DHRSX: variants seen among roughly 807,000 people sequenced by gnomAD.
DHRSX encodes polyprenol dehydrogenase.
DHRSX carries 31 observed loss-of-function variants against 34.0 expected under a neutral mutation model. The ratio of observed to expected loss-of-function variants is 0.91; its 90% CI spans 0.69 to 1.23. The LOEUF is 1.23. Among genes scored for constraint, DHRSX ranks in the 50% most tolerant of loss-of-function variants. The pLI, the probability that DHRSX is intolerant of heterozygous loss-of-function variation, is 0.00. For missense variants in DHRSX, 414 were observed against 428.1 expected (o/e 0.97, Z 0.29); for synonymous variants, 201 against 183.8 (o/e 1.09, Z -0.76).
At chrX:2,379,595 G>GTTT (rs749144665) in intron 3 of DHRSX, among the ~76,000 whole-genome samples, 16,607 of 101,622 alleles carry the variant, frequency 0.16, 2,173 homozygotes, top group Non-Finnish European at 0.27. Flanking sequence ...GGCAGTGGAG[G>GTTT]TTTTTTTTTT....
intron 3 of DHRSX, among the ~76,000 whole-genome samples, chrX:2,384,918 A>G (rs2043251899): frequency 6.7e-6 from 1 of 149,396 alleles, no homozygotes; most frequent in Admixed American, 6.6e-5. Flanking sequence ...AATAATAAAA[A>G]ATAAATAAAT....
chrX:2,469,494 G>C (rs2044555940), intron 1 of DHRSX, among the ~76,000 whole-genome samples: 1 of 151,892 alleles, frequency 6.6e-6, no homozygotes, highest in South Asian at 2.1e-4. Context: ...CGCTCCCTAA[G>C]CATGTGGCTA....
At chrX:2,294,582 A>G (rs1398048500) in intron 3 of DHRSX, among the ~76,000 whole-genome samples, 1 of 151,480 alleles carries the variant, frequency 6.6e-6, no homozygotes, top group Non-Finnish European at 1.5e-5. Flanking sequence ...GGAGAATCGC[A>G]TGAACCTGGG....
rs781362868 is a variant in DHRSX, at chrX:2,266,904, G to T, written c.432C>A (p.Phe144Leu). 6.2e-7 allele frequency: 1 copy of T among 1,613,938 alleles called. No individual in the cohort carries two copies. Among genetic ancestry groups the T allele is most frequent in the Admixed American group, 1.7e-5 (1 of 60,010 alleles). Reference sequence around the variant, plus strand: ...GGTAGTTCAGGCCGAAATGTTCTTCGAATCCATCTCTGGTTTTCCTCTGAG... The same window carrying T: ...GGTAGTTCAGGCCGAAATGTTCTTCTAATCCATCTCTGGTTTTCCTCTGAG... ...MVPQRKTRDGFEEHFGLNYLG... is the reference protein window; with the variant it reads ...MVPQRKTRDGLEEHFGLNYLG... Residue 144 changes from phenylalanine (F) to leucine (L), a missense_variant, in exon 5 of 7, where the codon TTC (phenylalanine) becomes TTA (leucine). Transcript: ENST00000334651.
chrX:2,422,556 C>T (rs963896345), intron 2 of DHRSX, among the ~76,000 whole-genome samples: 1 of 152,092 alleles, frequency 6.6e-6, no homozygotes, highest in Non-Finnish European at 1.5e-5. Flanking sequence ...CCACTGCTCC[C>T]GTCCTGGAAA....
intron 1 of DHRSX, among the ~76,000 whole-genome samples, chrX:2,472,252 T>C (rs2044604471): frequency 2.6e-5 from 4 of 152,012 alleles, no homozygotes; most frequent in Admixed American, 2.6e-4. Context: ...TACCACCTGT[T>C]CCCACTGATA....
At chrX:2,322,317 G>A (rs1569488557) in intron 3 of DHRSX, among the ~76,000 whole-genome samples, 1 of 152,084 alleles carries the variant, frequency 6.6e-6, no homozygotes, top group Non-Finnish European at 1.5e-5. Context: ...GGGACGCCAA[G>A]GCGGGTAGGT....
chrX:2,430,404 C>T (rs1286734426), intron 1 of DHRSX, among the ~76,000 whole-genome samples: 2 of 152,118 alleles, frequency 1.3e-5, no homozygotes, highest in Non-Finnish European at 2.9e-5. Context: ...CAGACACCCC[C>T]GCACACAACA....
At chrX:2,435,490 G>A (rs1302679304) in intron 1 of DHRSX, among the ~76,000 whole-genome samples, 1 of 150,074 alleles carries the variant, frequency 6.7e-6, no homozygotes, top group Non-Finnish European at 1.5e-5. Flanking sequence ...TAGGCAGGAA[G>A]CAGTGGGTCA....
intron 3 of DHRSX, among the ~76,000 whole-genome samples, chrX:2,318,102 T>C (rs1185653612): frequency 1.3e-5 from 2 of 149,234 alleles, no homozygotes; most frequent in Non-Finnish European, 3.0e-5. Context: ...ACCAGAGCTT[T>C]GGGAGGCTGA....
chrX:2,311,083 CAGA>C (rs1226370149), intron 3 of DHRSX, among the ~76,000 whole-genome samples: 4 of 146,808 alleles, frequency 2.7e-5, no homozygotes, highest in Admixed American at 2.0e-4. Flanking sequence ...AAAAGAGAGA[CAGA>C]AGGAGAGAGA....
chrX:2,398,152 T>C lies in DHRSX; in HGVS notation c.286+10593A>G, dbSNP rs140721653. ...ACAGGGGCAGGGATTAAGGAGCTCA[T>C]GGTGCTGCAGAAGTATCTCTGAATG... On this transcript the variant is annotated intron_variant, in intron 3 of 6. Transcript: ENST00000334651. 2.3e-3 allele frequency among the ~76,000 whole-genome samples: 346 copies of C among 152,232 alleles called. 6 individuals carry two copies. In the East Asian group the frequency reaches 0.055, roughly 24 times the overall value.
intron 3 of DHRSX, among the ~76,000 whole-genome samples, chrX:2,340,188 G>A (rs995204452): frequency 2.6e-5 from 4 of 151,592 alleles, no homozygotes; most frequent in Non-Finnish European, 4.4e-5. Flanking sequence ...GGGGCCTGTC[G>A]AGGGGTGGGG....
intron 3 of DHRSX, among the ~76,000 whole-genome samples, chrX:2,333,061 T>A (rs2042501104): frequency 6.6e-6 from 1 of 152,190 alleles, no homozygotes; most frequent in Non-Finnish European, 1.5e-5. Flanking sequence ...GTTTTGCTAT[T>A]TACCCATTCC....
At chrX:2,229,974 CATAAATGT>C (rs2015834131) in intron 6 of DHRSX, among the ~76,000 whole-genome samples, 1 of 152,018 alleles carries the variant, frequency 6.6e-6, no homozygotes. Context: ...TATACATTTG[CATAAATGT>C]GTGCATGTGT....
At chrX:2,311,839 T>C (rs1488676275) in intron 3 of DHRSX, among the ~76,000 whole-genome samples, 1 of 152,128 alleles carries the variant, frequency 6.6e-6, no homozygotes, top group Non-Finnish European at 1.5e-5. Context: ...TGAGCGTCGA[T>C]TTAATGGTCT....
chrX:2,489,807 G>A (rs771039803), intron 1 of DHRSX: 1 of 1,613,464 alleles, frequency 6.2e-7, no homozygotes, highest in Non-Finnish European at 8.5e-7. Flanking sequence ...AGCTTCGGGA[G>A]CTGGAAGGCC....
chrX:2,304,505 G>T (rs1297033736), intron 3 of DHRSX, among the ~76,000 whole-genome samples: 2 of 152,090 alleles, frequency 1.3e-5, no homozygotes, highest in African/African-American at 4.8e-5. Context: ...GATGTCTCAG[G>T]AATAGTTTAG....
intron 3 of DHRSX, among the ~76,000 whole-genome samples, chrX:2,358,384 G>A (rs1419417095): frequency 6.6e-6 from 1 of 152,150 alleles, no homozygotes; most frequent in South Asian, 2.1e-4. Context: ...GACATGAACA[G>A]ACACTTTTCA....
Sources: gnomAD v4.1 joint callset for allele counts (sites outside exome capture counted in the v4.1 genomes callset) on GRCh38, gnomAD v4.1.1 for gene constraint, MANE v1.5 for transcripts, NCBI Gene and HGNC (gene_info 2026-07-23, HGNC 2026-07-21) for gene names.